The following HOXC5 variants were observed in gnomAD, a reference collection of about 807,000 sequenced individuals.
HOXC5 encodes the protein homeobox C5, also known as homeobox protein Hox-C5.
HOXC5 carries 19 observed loss-of-function variants against 20.1 expected under a neutral mutation model. The ratio of observed to expected loss-of-function variants is 0.94; its 90% CI spans 0.66 to 1.38. The LOEUF (loss-of-function observed/expected upper bound fraction) is 1.38. HOXC5 is among the 40% of genes most tolerant of loss of function. The pLI is 0.00. For missense variants in HOXC5, 330 were observed against 300.1 expected, an observed-to-expected ratio of 1.10 and a Z score of -0.74; for synonymous variants, 124 against 117.0, an observed-to-expected ratio of 1.06 and a Z score of -0.39.
At chr12:54,024,997 T>C in the HOXC5 span, among the ~76,000 whole-genome samples, 1 of 152,198 alleles carries the variant, frequency 6.6e-6, no homozygotes, top group Non-Finnish European at 1.5e-5. Context: ...TTAAAGCTTC[T>C]CTGAAAGTGA....
chr12:54,024,634 C>T, the HOXC5 span, among the ~76,000 whole-genome samples: 1 of 152,172 alleles, frequency 6.6e-6, no homozygotes, highest in Non-Finnish European at 1.5e-5. Context: ...GTGAGGCCTG[C>T]CCACGAACTT....
upstream of HOXC5, among the ~76,000 whole-genome samples, chr12:54,031,448 A>T (rs1394166827): frequency 6.6e-6 from 1 of 152,204 alleles, no homozygotes; most frequent in Non-Finnish European, 1.5e-5. Context: ...CGTGGCCGGG[A>T]CAAAATTCCT....
chr12:54,030,022 C>G (rs1435201580), upstream of HOXC5: 3 of 1,375,526 alleles, frequency 2.2e-6, no homozygotes, highest in Middle Eastern at 1.8e-4. Flanking sequence ...CAACTCTCCC[C>G]TAATCACACA....
chr12:54,032,699 C>G (rs776141940), upstream of HOXC5, among the ~76,000 whole-genome samples: 1 of 152,166 alleles, frequency 6.6e-6, no homozygotes, highest in African/African-American at 2.4e-5. Context: ...ATCCAGCCAC[C>G]GGAAAGCAAG....
chr12:54,024,749 T>G, the HOXC5 span, among the ~76,000 whole-genome samples: 18 of 152,116 alleles, frequency 1.2e-4, no homozygotes, highest in Non-Finnish European at 1.8e-4. Flanking sequence ...TGGTAGCATT[T>G]AACTTGCCTA....
At chr12:54,034,226 A>G in intron 1 of HOXC5, 52 bp from the exon 2 acceptor site, 1 of 1,515,464 alleles carries the variant, frequency 6.6e-7, no homozygotes. Context: ...GGACGGGGGA[A>G]CGCTGCAAGC....
the HOXC5 span, among the ~76,000 whole-genome samples, chr12:54,026,394 G>A: frequency 1.3e-5 from 2 of 152,234 alleles, no homozygotes; most frequent in Non-Finnish European, 2.9e-5. Context: ...AGGGCAAAAA[G>A]CAACTCACAT....
At chr12:54,025,869 C>T in the HOXC5 span, among the ~76,000 whole-genome samples, 2 of 152,072 alleles carry the variant, frequency 1.3e-5, no homozygotes, top group Admixed American at 6.5e-5. Flanking sequence ...TCAAGGAAAC[C>T]TAGGCATCCT....
the HOXC5 span, among the ~76,000 whole-genome samples, chr12:54,026,945 C>A: frequency 1.0e-4 from 14 of 138,616 alleles, no homozygotes; most frequent in South Asian, 2.2e-4. Context: ...TTCCCCCCCC[C>A]CAACCCACCC....
At chr12:54,018,461 T>C in the HOXC5 span, among the ~76,000 whole-genome samples, 3 of 152,256 alleles carry the variant, frequency 2.0e-5, no homozygotes, top group Middle Eastern at 3.4e-3. Context: ...TGCTGGCTTA[T>C]GGGGTAGAGG....
the HOXC5 span, among the ~76,000 whole-genome samples, chr12:54,024,122 C>G: frequency 6.6e-6 from 1 of 152,202 alleles, no homozygotes; most frequent in Non-Finnish European, 1.5e-5. Flanking sequence ...ATGAGGGGAG[C>G]TGAGCAATTA....
At chr12:54,018,530 C>A in the HOXC5 span, among the ~76,000 whole-genome samples, 1 of 152,232 alleles carries the variant, frequency 6.6e-6, no homozygotes, top group Admixed American at 6.5e-5. Context: ...ATAATTGGTG[C>A]TAATGGCCTG....
chr12:54,030,892 T>C (rs1160865230), upstream of HOXC5: 1 of 152,230 alleles, frequency 6.6e-6, no homozygotes, highest in Non-Finnish European at 1.5e-5. Flanking sequence ...CTCCAAGCGC[T>C]CCCGCGCCTG....
At chr12:54,028,246 C>CATAGAT (rs1940807676), upstream of HOXC5, 1 of 148,990 alleles carries the variant, frequency 6.7e-6, no homozygotes, top group Non-Finnish European at 1.4e-5. Flanking sequence ...AGTTCCCTTA[C>CATAGAT]ATATATATAT....
chr12:54,032,765 G>C (rs980700512), upstream of HOXC5: 1 of 170,670 alleles, frequency 5.9e-6, no homozygotes, highest in African/African-American at 2.4e-5. Flanking sequence ...CTGTGGGCTT[G>C]TTGTCCCGGC....
the HOXC5 span, among the ~76,000 whole-genome samples, chr12:54,026,486 C>T: frequency 1.3e-5 from 2 of 152,210 alleles, no homozygotes; most frequent in Non-Finnish European, 2.9e-5. Context: ...ATTTAAAAAT[C>T]CTCCTCTACC....
At chr12:54,025,676 C>T in the HOXC5 span, among the ~76,000 whole-genome samples, 17 of 152,240 alleles carry the variant, frequency 1.1e-4, no homozygotes, top group Non-Finnish European at 2.2e-4. Flanking sequence ...TATAAATCGG[C>T]GAGACCTTTC....
rs950074757 is a variant in HOXC5 at position 54,034,412 on chromosome 12, A to G, written c.589A>G (p.Arg197Gly). The G allele has an allele frequency of 1.9e-6, 3 of 1,614,138 alleles. No individual in the cohort carries two copies. ...CGCCAACAACTTGTGTCTCAATGAGAGACAGATCAAGATCTGGTTCCAGAA... is the reference window on the plus strand; with the variant it reads ...CGCCAACAACTTGTGTCTCAATGAGGGACAGATCAAGATCTGGTTCCAGAA... ...EIANNLCLNE[R>G]QIKIWFQNRR... Residue 197 changes from arginine (R) to glycine (G), a missense_variant, in exon 2 of 2, where the codon AGA becomes GGA. Transcript: ENST00000312492.
At chr12:54,033,656 C>T in intron 1 of HOXC5, 80 bp downstream of exon 1, 1 of 1,225,478 alleles carries the variant, frequency 8.2e-7, no homozygotes, top group Non-Finnish European at 1.1e-6. Context: ...AGAAAAAAAA[C>T]CTGCGGCCAT....
Sources: allele counts gnomAD v4.1 joint callset (sites outside exome capture counted in the v4.1 genomes callset), GRCh38; gene constraint gnomAD v4.1.1; transcripts MANE v1.5; gene names NCBI Gene and HGNC (gene_info 2026-07-23, HGNC 2026-07-21).